USP34: variants seen among roughly 807,000 people sequenced by gnomAD.
USP34 encodes ubiquitin carboxyl-terminal hydrolase 34.
In USP34, 70 loss-of-function variants were observed where a neutral mutation model predicts 460.3. That is an observed-to-expected ratio of 0.15 (90% CI 0.13 to 0.19). USP34 has a LOEUF of 0.19. Among genes scored for constraint, USP34 ranks in the 10% least tolerant of loss-of-function variants. The pLI is 1.00. For synonymous variants in USP34, 1,647 were observed against 1,405.3 expected (o/e 1.17, Z -3.85); for missense variants, 3,985 against 4,236.2 (o/e 0.94, Z 1.65).
chr2:61,235,977 T>G (rs1230649619), intron 56 of USP34, 49 bp downstream of exon 56: 3 of 1,595,416 alleles, frequency 1.9e-6, no homozygotes, highest in African/African-American at 2.7e-5. Flanking sequence ...CCAAAAGATA[T>G]CTGATAAAAA....
chr2:61,296,633 A>G (rs1690039416), intron 30 of USP34, among the ~76,000 whole-genome samples, 167 bp downstream of exon 30: 1 of 152,232 alleles, frequency 6.6e-6, no homozygotes, highest in African/African-American at 2.4e-5. Flanking sequence ...ACCCTCACTA[A>G]ATAAACAAAT....
intron 10 of USP34, among the ~76,000 whole-genome samples, chr2:61,369,822 A>C (rs1692559545): frequency 6.6e-6 from 1 of 151,630 alleles, no homozygotes. Flanking sequence ...AAAAAGAAAG[A>C]GGAAGAAAAA....
intron 18 of USP34, among the ~76,000 whole-genome samples, chr2:61,334,801 A>C (rs963523540): frequency 1.3e-5 from 2 of 152,170 alleles, no homozygotes; most frequent in Non-Finnish European, 2.9e-5. Context: ...GAATGTAGAA[A>C]TAAGACTCAT....
intron 1 of USP34, among the ~76,000 whole-genome samples, chr2:61,438,992 TA>T (rs1294956713): frequency 6.6e-6 from 1 of 151,958 alleles, no homozygotes. Context: ...AATCACTATT[TA>T]AAAAAAATCA....
intron 27 of USP34, among the ~76,000 whole-genome samples, chr2:61,309,735 A>C (rs879815489): frequency 6.6e-6 from 1 of 152,212 alleles, no homozygotes; most frequent in Non-Finnish European, 1.5e-5. Context: ...TGAAGAGCTT[A>C]GAAAAAGAAA....
intron 1 of USP34, among the ~76,000 whole-genome samples, chr2:61,470,237 A>C (rs1695907899): frequency 6.6e-6 from 1 of 152,166 alleles, no homozygotes; most frequent in Non-Finnish European, 1.5e-5. Context: ...AGCACGCTGG[A>C]AATCAAAGAG....
In USP34 at chr2:61,446,833, CCT is replaced by C. The variant is rs1482521478; in HGVS notation, c.43+23815_43+23816del. Among the ~76,000 whole-genome samples the C allele has an allele frequency of 2.6e-5, 4 of 151,820 alleles. No individual in the cohort carries two copies. In the East Asian group the frequency reaches 7.8e-4, roughly 30 times the overall value. On this transcript the variant is annotated intron_variant, in intron 1 of 79. Transcript: ENST00000398571. ...AAAAAATTCCACTGATCTACTTTAC[CCT>C]CTGAGTAGATACTTTGCCCATGCAT...
chr2:61,304,388 T>C (rs758518311), intron 27 of USP34, among the ~76,000 whole-genome samples: 17 of 152,226 alleles, frequency 1.1e-4, no homozygotes, highest in Non-Finnish European at 2.2e-4. Flanking sequence ...TGATATGAGA[T>C]AGGCCAATAT....
chr2:61,230,801 G>A (rs1221706824), intron 58 of USP34, among the ~76,000 whole-genome samples: 7 of 150,398 alleles, frequency 4.7e-5, no homozygotes, highest in Middle Eastern at 6.9e-3. Context: ...CCAAGACCAC[G>A]GCACTGCACT....
At chr2:61,461,448 AC>A (rs1461804588) in intron 1 of USP34, among the ~76,000 whole-genome samples, 2 of 152,128 alleles carry the variant, frequency 1.3e-5, no homozygotes, top group African/African-American at 2.4e-5. Context: ...AGAAAAAAAA[AC>A]ATACAATTCA....
intron 2 of USP34, among the ~76,000 whole-genome samples, chr2:61,411,593 T>C (rs929016112): frequency 6.6e-6 from 1 of 152,210 alleles, no homozygotes; most frequent in East Asian, 1.9e-4. Flanking sequence ...TTGTCCCTTT[T>C]CTGTCATCCA....
Position 61,214,704 on chromosome 2 carries a change from G to A in USP34, c.8048-10C>T, listed in dbSNP as rs1400334847. On this transcript the variant is annotated splice_polypyrimidine_tract_variant and intron_variant, in intron 67 of 79. Coordinates refer to ENST00000398571, the MANE Select transcript of USP34 (RefSeq NM_014709.4). ...AGAAGATAAGCTGCAGCTATAAAAT[G>A]TAAAACAAAACTGTCAGATCCTTGT... 1 of 1,612,504 alleles carries A rather than the reference G, an allele frequency of 6.2e-7. No individual in the cohort carries two copies. The highest frequency in any genetic ancestry group is 8.5e-7 in the Non-Finnish European group (1 of 1,179,348).
chr2:61,240,404 G>C (rs1688218796), intron 53 of USP34, among the ~76,000 whole-genome samples: 1 of 151,696 alleles, frequency 6.6e-6, no homozygotes, highest in Non-Finnish European at 1.5e-5. Context: ...TCAGCCTCCC[G>C]AGTAGCTGGG....
chr2:61,405,667 A>T, intron 3 of USP34, 41 bp downstream of exon 3: 1 of 1,478,188 alleles, frequency 6.8e-7, no homozygotes, highest in Non-Finnish European at 9.0e-7. Context: ...CGAAGTTAAG[A>T]CTTGGTATTA....
intron 16 of USP34, among the ~76,000 whole-genome samples, chr2:61,341,562 T>C (rs1324800308): frequency 1.3e-5 from 2 of 151,706 alleles, no homozygotes; most frequent in Non-Finnish European, 2.9e-5. Flanking sequence ...TAGAAGAGAG[T>C]GACACCCCTC....
chr2:61,262,261 A>T (rs926529790), intron 43 of USP34, among the ~76,000 whole-genome samples: 6 of 151,546 alleles, frequency 4.0e-5, no homozygotes, highest in Admixed American at 2.0e-4. Context: ...TGTGTCACGT[A>T]AGTTTGGTAT....
intron 41 of USP34, among the ~76,000 whole-genome samples, chr2:61,268,412 CTT>C (rs963307899): frequency 1.7e-5 from 2 of 115,562 alleles, no homozygotes; most frequent in Non-Finnish European, 3.3e-5. Context: ...AGTTCTCACT[CTT>C]TGAGTTCATG....
chr2:61,288,541 T>C, intron 34 of USP34, 136 bp downstream of exon 34: 1 of 866,656 alleles, frequency 1.2e-6, no homozygotes, highest in South Asian at 1.6e-5. Flanking sequence ...TCACTACTGC[T>C]TTAAAACAAT....
chr2:61,402,932 C>T (rs1693764020), intron 3 of USP34, among the ~76,000 whole-genome samples: 1 of 152,056 alleles, frequency 6.6e-6, no homozygotes, highest in Non-Finnish European at 1.5e-5. Flanking sequence ...AAACAGTTGA[C>T]CCTTACCGCA....
Sources: allele counts gnomAD v4.1 joint callset (sites outside exome capture counted in the v4.1 genomes callset), GRCh38; gene constraint gnomAD v4.1.1; transcripts MANE v1.5; gene names NCBI Gene and HGNC (gene_info 2026-07-23, HGNC 2026-07-21).